PTPRK: variants seen among roughly 807,000 people sequenced by gnomAD.
PTPRK encodes receptor-type tyrosine-protein phosphatase kappa.
Under a neutral mutation model 178.0 loss-of-function variants are expected in PTPRK, and 75 were observed. That is an observed-to-expected ratio of 0.42 (90% CI 0.35 to 0.51). The LOEUF (loss-of-function observed/expected upper bound fraction) is 0.51. PTPRK is among the 20% of genes least tolerant of loss of function. The pLI, the probability that PTPRK is intolerant of heterozygous loss-of-function variation, is 0.02. For synonymous variants in PTPRK, 637 were observed against 620.6 expected, an observed-to-expected ratio of 1.03 and a Z score of -0.39; for missense variants, 1,441 against 1,797.8, an observed-to-expected ratio of 0.80 and a Z score of 3.59.
intron 7 of PTPRK, among the ~76,000 whole-genome samples, chr6:128,101,563 C>T (rs1788786564): frequency 6.6e-6 from 1 of 152,040 alleles, no homozygotes; most frequent in Non-Finnish European, 1.5e-5. Context: ...AATCTTGCTA[C>T]CATTAATATT....
intron 13 of PTPRK, among the ~76,000 whole-genome samples, chr6:128,013,888 C>T (rs2114734467): frequency 6.6e-6 from 1 of 151,610 alleles, no homozygotes. Flanking sequence ...CACATTGTAG[C>T]ACACGGTATT....
At chr6:128,038,250 A>G (rs1023312053) in intron 13 of PTPRK, among the ~76,000 whole-genome samples, 2 of 152,126 alleles carry the variant, frequency 1.3e-5, no homozygotes, top group Non-Finnish European at 2.9e-5. Context: ...CACATTTTTT[A>G]TGATTGTGAT....
chr6:128,189,083 C>T (rs1290117030), intron 6 of PTPRK, among the ~76,000 whole-genome samples: 1 of 152,074 alleles, frequency 6.6e-6, no homozygotes, highest in African/African-American at 2.4e-5. Context: ...CATCCTTCCT[C>T]CTGCCAGATA....
rs914535768 is a variant in PTPRK at position 128,141,591 on chromosome 6, T to TA, written c.1162+42840dup. On this transcript the variant is annotated intron_variant, in intron 7 of 29. Transcript: ENST00000368226. ...GAGTCCTCCAACAGCAAAAGCAATA[T>TA]AAAAAAAAAATGATCTGAGTGCAAA... Among the ~76,000 whole-genome samples the TA allele has an allele frequency of 1.5e-3, 226 of 148,730 alleles. 1 individual carries two copies. Among genetic ancestry groups the TA allele is most frequent in the African/African-American group, 4.7e-3 (192 of 40,720 alleles).
chr6:128,342,365 C>T (rs188962869), intron 2 of PTPRK, among the ~76,000 whole-genome samples: 1 of 152,208 alleles, frequency 6.6e-6, no homozygotes, highest in African/African-American at 2.4e-5. Context: ...ATGAAGGCAG[C>T]TTCTACTTGT....
chr6:128,062,519 T>A (rs1781026025), intron 13 of PTPRK: 1 of 167,070 alleles, frequency 6.0e-6, no homozygotes, highest in African/African-American at 2.4e-5. Context: ...GTCCTAGCAA[T>A]CTCGATCACG....
At chr6:128,215,951 G>A (rs948593890) in intron 6 of PTPRK, among the ~76,000 whole-genome samples, 2 of 152,066 alleles carry the variant, frequency 1.3e-5, no homozygotes, top group Non-Finnish European at 2.9e-5. Context: ...GCTGACCCCC[G>A]AGAGTATGTT....
chr6:128,141,790 C>G (rs1795807695), intron 7 of PTPRK, among the ~76,000 whole-genome samples: 1 of 151,708 alleles, frequency 6.6e-6, no homozygotes, highest in Non-Finnish European at 1.5e-5. Context: ...TCTCAAACTG[C>G]CCTTTTTGAC....
intron 14 of PTPRK, chr6:128,008,154 A>C (rs1406031261): frequency 1.1e-6 from 1 of 909,650 alleles, no homozygotes; most frequent in Non-Finnish European, 1.6e-6. Flanking sequence ...TAAAACATGT[A>C]GTATGAGTCT....
intron 2 of PTPRK, among the ~76,000 whole-genome samples, chr6:128,355,605 A>AT (rs922923055): frequency 6.6e-6 from 1 of 152,140 alleles, no homozygotes; most frequent in Non-Finnish European, 1.5e-5. Flanking sequence ...ATTCAAGTAA[A>AT]TTTTTAAAAA....
At chr6:127,993,431 G>C (rs1250758865) in intron 18 of PTPRK, among the ~76,000 whole-genome samples, 3 of 151,288 alleles carry the variant, frequency 2.0e-5, no homozygotes, top group Non-Finnish European at 4.4e-5. Context: ...CAATTGGTTT[G>C]AATAACAACA....
At chr6:128,371,763 T>C (rs1836321742) in intron 2 of PTPRK, among the ~76,000 whole-genome samples, 1 of 151,876 alleles carries the variant, frequency 6.6e-6, no homozygotes, top group African/African-American at 2.4e-5. Context: ...TAGTTCCAGC[T>C]ACTGGGGGAA....
intron 11 of PTPRK, among the ~76,000 whole-genome samples, chr6:128,075,758 A>G (rs1257001370): frequency 6.6e-6 from 1 of 152,090 alleles, no homozygotes; most frequent in African/African-American, 2.4e-5. Context: ...TCTATATAAC[A>G]AGATTTTCTA....
At chr6:128,119,393 A>C (rs1197188650) in intron 7 of PTPRK, among the ~76,000 whole-genome samples, 1 of 152,042 alleles carries the variant, frequency 6.6e-6, no homozygotes, top group East Asian at 1.9e-4. Flanking sequence ...GAAGAATGCA[A>C]ACATCTCCTA....
At chr6:128,486,912 T>C (rs1380046774) in intron 1 of PTPRK, among the ~76,000 whole-genome samples, 1 of 151,476 alleles carries the variant, frequency 6.6e-6, no homozygotes, top group Non-Finnish European at 1.5e-5. Context: ...TTAATTGACA[T>C]AGATATCACT....
intron 7 of PTPRK, among the ~76,000 whole-genome samples, chr6:128,093,612 A>AC (rs1290084400): frequency 1.3e-5 from 2 of 148,524 alleles, no homozygotes; most frequent in Non-Finnish European, 3.0e-5. Context: ...AAAAAAAAAA[A>AC]AAAAAAAAAA....
intron 1 of PTPRK, among the ~76,000 whole-genome samples, chr6:128,456,602 A>C (rs930109239): frequency 1.3e-5 from 2 of 152,160 alleles, no homozygotes; most frequent in African/African-American, 4.8e-5. Flanking sequence ...TAATTACCAT[A>C]TTCTAAACAA....
At chr6:128,067,108 G>A (rs144569965) in intron 12 of PTPRK, among the ~76,000 whole-genome samples, 270 of 152,306 alleles carry the variant, frequency 1.8e-3, no homozygotes, top group Admixed American at 4.0e-3. Flanking sequence ...TTATTAGCCT[G>A]CTGTGGAACA....
intron 2 of PTPRK, among the ~76,000 whole-genome samples, chr6:128,371,832 T>C (rs1836337418): frequency 6.6e-6 from 1 of 150,864 alleles, no homozygotes; most frequent in Non-Finnish European, 1.5e-5. Flanking sequence ...TCCGAGATCG[T>C]GCCACTGCAC....
Sources: allele counts gnomAD v4.1 joint callset (sites outside exome capture counted in the v4.1 genomes callset), GRCh38; gene constraint gnomAD v4.1.1; transcripts MANE v1.5; gene names NCBI Gene and HGNC (gene_info 2026-07-23, HGNC 2026-07-21).